The following CSDE1 variants were observed in gnomAD, a reference collection of about 807,000 sequenced individuals.
CSDE1 encodes cold shock domain containing E1.
In CSDE1, 17 loss-of-function variants were observed where a neutral mutation model predicts 89.3. That is an observed-to-expected ratio of 0.19 (90% CI 0.13 to 0.29). CSDE1 has a LOEUF of 0.29. CSDE1 is among the 10% of genes least tolerant of loss of function. CSDE1 has a pLI of 1.00. For synonymous variants in CSDE1, 322 were observed against 332.8 expected, an observed-to-expected ratio of 0.97 and a Z score of 0.35; for missense variants, 672 against 984.2, an observed-to-expected ratio of 0.68 and a Z score of 4.24.
intron 16 of CSDE1, among the ~76,000 whole-genome samples, chr1:114,722,706 C>A (rs765782128): frequency 1.3e-5 from 2 of 152,210 alleles, no homozygotes; most frequent in Admixed American, 6.5e-5. Flanking sequence ...AAAAGCAGCA[C>A]GTTAGGAGAT....
At chr1:114,726,500 T>C (rs1659806787) in intron 13 of CSDE1, 114 bp from the exon 14 acceptor site, 1 of 748,832 alleles carries the variant, frequency 1.3e-6, no homozygotes, top group Admixed American at 3.4e-5. Flanking sequence ...CAAATATCCT[T>C]TGTTATTACT....
intron 14 of CSDE1, among the ~76,000 whole-genome samples, chr1:114,725,926 C>A (rs145307167): frequency 6.6e-6 from 1 of 152,208 alleles, no homozygotes; most frequent in Non-Finnish European, 1.5e-5. Context: ...TGAGCCACCA[C>A]ACCCAGTCAG....
At chr1:114,721,284 C>A (rs1659505950) in intron 16 of CSDE1, among the ~76,000 whole-genome samples, 2 of 152,096 alleles carry the variant, frequency 1.3e-5, no homozygotes, top group Admixed American at 6.5e-5. Flanking sequence ...GTTTGCAAGT[C>A]ATCCTGTCTA....
At position 114,737,531 on chromosome 1, in the gene CSDE1, ACTCT is replaced by A. The variant is rs1558000635; in HGVS notation, c.338_341del (p.Glu113ValfsTer26). On this transcript the variant is annotated frameshift_variant, in exon 5 of 20. Coordinates refer to ENST00000358528, the MANE Select transcript of CSDE1 (RefSeq NM_001007553.3). LOFTEE classifies it high-confidence loss of function. ...TCTGACCCGGGGCAGCTGGAGATTT[ACTCT>A]CTAAGTTGTGAGGAACAGCGCACAC... is the stretch of plus-strand genomic sequence containing the variant. The A allele has an allele frequency of 1.2e-6, 2 of 1,613,512 alleles. No homozygotes were observed. The highest frequency in any genetic ancestry group is 1.7e-6 in the Non-Finnish European group (2 of 1,179,922).
intron 1 of CSDE1, among the ~76,000 whole-genome samples, chr1:114,750,965 A>C (rs1661274718): frequency 6.6e-6 from 1 of 152,242 alleles, no homozygotes; most frequent in African/African-American, 2.4e-5. Context: ...GTTTCAGAGG[A>C]AAATCAACAG....
chr1:114,732,946 C>A (rs1476272919), intron 9 of CSDE1, 130 bp from the exon 10 acceptor site: 2 of 715,878 alleles, frequency 2.8e-6, no homozygotes, highest in African/African-American at 3.6e-5. Flanking sequence ...AAGGTGTTGA[C>A]AACATAAGTC....
intron 2 of CSDE1, among the ~76,000 whole-genome samples, chr1:114,746,212 G>A (rs1009512694): frequency 6.6e-6 from 1 of 152,088 alleles, no homozygotes; most frequent in African/African-American, 2.4e-5. Context: ...TAGGTTCTAA[G>A]TAATTATTCA....
Position 114,756,272 on chromosome 1 carries a change from C to A in CSDE1, c.-388+1653G>T, listed in dbSNP as rs187605024. Among the ~76,000 whole-genome samples the A allele has an allele frequency of 2.6e-5, 4 of 152,304 alleles. No homozygotes were observed. In the East Asian group the frequency reaches 7.7e-4, roughly 29 times the overall value. ...TCATCTCGATGGTAAACATCCAGAA[C>A]AGCTGCAAAACCAAACTATTACCTT... is the stretch of plus-strand genomic sequence containing the variant. On this transcript the variant is annotated intron_variant, in intron 1 of 19. Coordinates refer to ENST00000358528, the MANE Select transcript of CSDE1 (RefSeq NM_001007553.3).
At chr1:114,720,333 C>T in intron 17 of CSDE1, 1 of 500,674 alleles carries the variant, frequency 2.0e-6, no homozygotes, top group Non-Finnish European at 3.5e-6. Context: ...TTACTAATAC[C>T]AATCTTACTT....
Position 114,719,601 on chromosome 1 carries a change from C to T in CSDE1, c.2194G>A (p.Ala732Thr). The change falls in exon 18 of 20, where the codon GCC becomes ACC. Residue 732 changes from alanine to threonine, a missense_variant. Ala to Thr is a moderately conservative substitution (Grantham distance 58, BLOSUM62 0). Transcript: ENST00000358528. ...CACCAGACTCGCCAAACATTACAGG[C>T]GCTGCACTTGCCAGTGCGCTGATTA... ...ILNQRTGKCS[A>T]CNVWRVCEGP... 6.2e-7 allele frequency: 1 copy of T among 1,613,780 alleles called. No homozygotes were observed. The highest frequency in any genetic ancestry group is 8.5e-7 in the Non-Finnish European group (1 of 1,179,804).
intron 1 of CSDE1, among the ~76,000 whole-genome samples, chr1:114,757,538 A>G (rs1389517420): frequency 6.6e-6 from 1 of 151,796 alleles, no homozygotes; most frequent in East Asian, 1.9e-4. Context: ...GTTTCCCCAG[A>G]CAAGCCGCAG....
At chr1:114,736,887 G>T in intron 5 of CSDE1, 32 bp from the exon 6 acceptor site, 1 of 1,524,082 alleles carries the variant, frequency 6.6e-7, no homozygotes, top group African/African-American at 1.4e-5. Flanking sequence ...TTACTATTTT[G>T]GCAGGATGCA....
At chr1:114,722,533 A>AATC (rs1186977175) in intron 16 of CSDE1, among the ~76,000 whole-genome samples, 3 of 152,224 alleles carry the variant, frequency 2.0e-5, no homozygotes, top group Non-Finnish European at 2.9e-5. Flanking sequence ...GGGAAAATGT[A>AATC]ATCTGTCTAG....
At chr1:114,723,750 G>C in intron 16 of CSDE1, 133 bp downstream of exon 16, 1 of 1,246,354 alleles carries the variant, frequency 8.0e-7, no homozygotes, top group Non-Finnish European at 1.1e-6. Flanking sequence ...AAGCAAGCAT[G>C]AGAGAGGTCA....
At chr1:114,719,784 C>T in intron 17 of CSDE1, 42 bp from the exon 18 acceptor site, 1 of 1,576,262 alleles carries the variant, frequency 6.3e-7, no homozygotes, top group Non-Finnish European at 8.6e-7. Context: ...GCATGCCACA[C>T]CTCACTCTGA....
intron 18 of CSDE1, 172 bp from the exon 19 acceptor site, chr1:114,718,917 A>G: frequency 7.5e-6 from 5 of 668,356 alleles, no homozygotes; most frequent in South Asian, 4.1e-5. Context: ...TTTATGTATT[A>G]TTATCCCCAA....
intron 4 of CSDE1, 31 bp downstream of exon 4, chr1:114,737,932 T>C: frequency 2.0e-6 from 3 of 1,486,534 alleles, no homozygotes; most frequent in South Asian, 1.1e-5. Context: ...TGCAGGGCCC[T>C]AAAAAAACAC....
intron 2 of CSDE1, chr1:114,748,521 T>C (rs1371560511): frequency 6.6e-6 from 1 of 152,248 alleles, no homozygotes; most frequent in Non-Finnish European, 1.5e-5. Context: ...CAGATTGCTA[T>C]CTAATGAACA....
At chr1:114,720,458 C>T in intron 17 of CSDE1, 81 bp downstream of exon 17, 2 of 1,289,604 alleles carry the variant, frequency 1.6e-6, no homozygotes, top group Admixed American at 2.4e-5. Flanking sequence ...TGATGATTTC[C>T]CCTTGGCTGA....
Sources: allele counts gnomAD v4.1 joint callset (sites outside exome capture counted in the v4.1 genomes callset), GRCh38; gene constraint gnomAD v4.1.1; transcripts MANE v1.5; gene names NCBI Gene and HGNC (gene_info 2026-07-23, HGNC 2026-07-21).